Variants in KDM4B observed in about 807,000 individuals in gnomAD.
KDM4B encodes lysine demethylase 4B, also known as lysine-specific demethylase 4B.
A neutral mutation model predicts 125.2 loss-of-function variants in KDM4B; 32 were observed. That is an observed-to-expected ratio of 0.26 (90% CI 0.19 to 0.34). The LOEUF is 0.34. Among genes scored for constraint, KDM4B ranks in the 10% least tolerant of loss-of-function variants. The probability of loss-of-function intolerance (pLI) is 1.00; values close to 1 mark genes in which losing one functional copy is unlikely to be tolerated. For synonymous variants in KDM4B, 721 were observed against 677.9 expected (o/e 1.06, Z -0.99); for missense variants, 1,190 against 1,577.7 (o/e 0.75, Z 4.16).
At chr19:5,028,999 C>G (rs559326295) in intron 2 of KDM4B, among the ~76,000 whole-genome samples, 1 of 152,216 alleles carries the variant, frequency 6.6e-6, no homozygotes, top group African/African-American at 2.4e-5. Context: ...CAACCTCTGC[C>G]TTCCCAGCTC....
At chr19:5,111,594 A>G (rs920509473) in intron 10 of KDM4B, 17 of 732,676 alleles carry the variant, frequency 2.3e-5, no homozygotes, top group African/African-American at 3.4e-5. Flanking sequence ...CCAGGCTTCC[A>G]GGGCTCTGAG....
rs1245303224 is a variant in KDM4B, at chr19:5,035,122, G to T, written c.141+2091G>T. Among the ~76,000 whole-genome samples, 6 of 152,162 alleles carry T rather than the reference G, an allele frequency of 3.9e-5. No individual in the cohort carries two copies. Among genetic ancestry groups the T allele is most frequent in the Non-Finnish European group, 2.9e-5 (2 of 68,024 alleles). ...GCTTTGGTCCTCCTATCTCATCTCA[G>T]ACCGTCTTCTCTGGCCCTCTAGGCC... is the stretch of plus-strand genomic sequence containing the variant. On this transcript the variant is annotated intron_variant, in intron 3 of 22. Transcript: ENST00000159111. This position sits in a 1 kb window ranked among gnomAD's most constrained non-coding sequence, Gnocchi z 5.3.
At chr19:5,041,367 C>G in intron 5 of KDM4B, 116 bp downstream of exon 5, 2 of 715,138 alleles carry the variant, frequency 2.8e-6, no homozygotes, top group Non-Finnish European at 2.3e-6. Context: ...CAAGGTTAAC[C>G]CCCTCGCCCA....
In KDM4B at chr19:5,121,986, CT is replaced by C. The variant is rs549231590; in HGVS notation, c.1315+2135del. On this transcript the variant is annotated intron_variant, in intron 11 of 22. Transcript: ENST00000159111. ...TGAGACCTCAGTCCCCTCCCTCCCC[CT>C]GTCCACGCTGCGGCCTCTGTGAGTG... Among the ~76,000 whole-genome samples the C allele has an allele frequency of 1.8e-3, 273 of 152,272 alleles. 4 individuals are homozygous for C. Among genetic ancestry groups the C allele is most frequent in the African/African-American group, 6.2e-3 (259 of 41,566 alleles).
intron 18 of KDM4B, among the ~76,000 whole-genome samples, chr19:5,143,595 G>A (rs528143533): frequency 4.6e-5 from 7 of 152,208 alleles, no homozygotes; most frequent in Non-Finnish European, 8.8e-5. Context: ...CATCTCTGTC[G>A]CCACGTGGTT....
At chr19:5,062,591 A>G (rs984793175) in intron 6 of KDM4B, among the ~76,000 whole-genome samples, 2 of 151,524 alleles carry the variant, frequency 1.3e-5, no homozygotes, top group African/African-American at 4.8e-5. Context: ...GGACAGGTTT[A>G]CCCTAGTGGG....
chr19:5,131,433 G>A lies in KDM4B; in HGVS notation c.1673G>A (p.Gly558Asp). 1 of 1,610,502 alleles carries A rather than the reference G, an allele frequency of 6.2e-7. No homozygotes were observed. The highest frequency in any genetic ancestry group is 8.5e-7 in the Non-Finnish European group (1 of 1,179,550). Reference sequence around the variant, plus strand: ...GCCTTTGAGCACTTTGCCCAGAAGGGTCCGACCTGGAAGGAACCAGTTTCC... The same window carrying A: ...GCCTTTGAGCACTTTGCCCAGAAGGATCCGACCTGGAAGGAACCAGTTTCC... The part of the protein sequence containing the change: ...QQAFEHFAQK[G>D]PTWKEPVSPM... Residue 558 changes from glycine (G) to aspartate (D), a missense_variant, in exon 12 of 23, where the codon GGT becomes GAT. Transcript: ENST00000159111.
At chr19:4,980,984 C>T (rs1039230257) in intron 1 of KDM4B, among the ~76,000 whole-genome samples, 12 of 152,206 alleles carry the variant, frequency 7.9e-5, no homozygotes, top group African/African-American at 2.6e-4. Flanking sequence ...TGCTGGGCTG[C>T]GGCTAGGCTT....
intron 10 of KDM4B, chr19:5,111,441 G>A: frequency 1.3e-6 from 1 of 765,328 alleles, no homozygotes; most frequent in Non-Finnish European, 2.4e-6. Flanking sequence ...CTGGAGGAGA[G>A]GCCAAAGCAT....
chr19:5,012,976 C>T (rs1356744490), intron 1 of KDM4B, among the ~76,000 whole-genome samples: 1 of 152,238 alleles, frequency 6.6e-6, no homozygotes, highest in Non-Finnish European at 1.5e-5. Flanking sequence ...AGCCCGGCCT[C>T]TCATCTATTG....
At chr19:5,076,824 C>A in intron 7 of KDM4B, 1 of 161,742 alleles carries the variant, frequency 6.2e-6, no homozygotes, top group Non-Finnish European at 1.4e-5. Context: ...CATGTTGTCT[C>A]GTTGACCGAG....
chr19:4,987,851 G>C (rs1599362073), intron 1 of KDM4B, among the ~76,000 whole-genome samples: 1 of 152,180 alleles, frequency 6.6e-6, no homozygotes, highest in Non-Finnish European at 1.5e-5. Flanking sequence ...CTGGGCTGGG[G>C]CTGCGGCCTG....
chr19:5,061,861 CAACAACAAAAAAA>C (rs1568267855), intron 6 of KDM4B, among the ~76,000 whole-genome samples: 2 of 151,302 alleles, frequency 1.3e-5, no homozygotes. Flanking sequence ...CAACAAAAAA[CAACAACAAAAAAA>C]AACAGAAGAA....
chr19:4,976,650 G>A (rs983207446), intron 1 of KDM4B, among the ~76,000 whole-genome samples: 31 of 152,252 alleles, frequency 2.0e-4, no homozygotes, highest in African/African-American at 6.0e-4. Flanking sequence ...CAGGGGAGTC[G>A]CAGATGGTGG....
chr19:5,048,265 C>T (rs1475406773), intron 6 of KDM4B, among the ~76,000 whole-genome samples: 1 of 152,210 alleles, frequency 6.6e-6, no homozygotes, highest in Admixed American at 6.5e-5. Context: ...TCCCTGTGCA[C>T]GTCGCAGCGA....
In KDM4B at chr19:5,119,320, C is replaced by G. The variant is rs528672185; in HGVS notation, c.1116-333C>G. On this transcript the variant is annotated intron_variant, in intron 10 of 22. Coordinates refer to ENST00000159111, the MANE Select transcript of KDM4B (RefSeq NM_015015.3). ...CTGTGTCTCTGTCCCGTGGCACACGCGGCTCCTGCCGCCCCGTCCCGCCCG... is the reference window on the plus strand; with the variant it reads ...CTGTGTCTCTGTCCCGTGGCACACGGGGCTCCTGCCGCCCCGTCCCGCCCG... 4 of 830,584 alleles carry G rather than the reference C, an allele frequency of 4.8e-6. No individual in the cohort carries two copies. In the South Asian group the frequency reaches 4.8e-5, roughly 10 times the overall value. The allele number at this position is 830,584 out of a possible 1,614,324, so 51.5% of individuals were successfully genotyped here. A position where few individuals can be genotyped will look rare whatever the true frequency, so the allele number is the denominator to read the frequency against.
At chr19:5,058,617 C>T (rs1015032457) in intron 6 of KDM4B, among the ~76,000 whole-genome samples, 4 of 152,232 alleles carry the variant, frequency 2.6e-5, no homozygotes, top group African/African-American at 9.6e-5. Flanking sequence ...CAGGGGCTGC[C>T]TTAGCCTCAC....
chr19:5,024,707 T>G (rs1453976361), intron 2 of KDM4B, among the ~76,000 whole-genome samples: 1 of 151,872 alleles, frequency 6.6e-6, no homozygotes, highest in African/African-American at 2.4e-5. Flanking sequence ...TTCCAGCACT[T>G]TGGGAGGCCG....
At chr19:5,022,941 C>T (rs1409289382) in intron 2 of KDM4B, among the ~76,000 whole-genome samples, 2 of 152,092 alleles carry the variant, frequency 1.3e-5, no homozygotes, top group African/African-American at 4.8e-5. Context: ...TCCCACATGG[C>T]AGTCGTGGTG....
Sources: gnomAD v4.1 joint callset for allele counts (sites outside exome capture counted in the v4.1 genomes callset) on GRCh38, gnomAD v4.1.1 for gene constraint, Gnocchi (gnomAD v3.1) non-coding constraint, MANE v1.5 for transcripts, NCBI Gene and HGNC (gene_info 2026-07-23, HGNC 2026-07-21) for gene names.